Variants in DAPK1 observed in about 807,000 individuals in gnomAD.
DAPK1 encodes death associated protein kinase 1.
In DAPK1, 56 loss-of-function variants were observed where a neutral mutation model predicts 144.9. The ratio of observed to expected loss-of-function variants is 0.39; its 90% CI spans 0.31 to 0.48. DAPK1 has a LOEUF of 0.48. Among genes scored for constraint, DAPK1 ranks in the 20% least tolerant of loss-of-function variants. The pLI is 0.95. For missense variants in DAPK1, 1,454 were observed against 1,875.4 expected, an observed-to-expected ratio of 0.78 and a Z score of 4.15; for synonymous variants, 690 against 749.0, an observed-to-expected ratio of 0.92 and a Z score of 1.29.
intron 2 of DAPK1, among the ~76,000 whole-genome samples, chr9:87,531,138 A>G (rs1825683972): frequency 1.3e-5 from 2 of 152,168 alleles, no homozygotes; most frequent in African/African-American, 4.8e-5. Flanking sequence ...TAAGGATAAA[A>G]TGCTCTGATC....
Position 87,700,658 on chromosome 9 carries a change from CT to C in DAPK1, c.2871+422del, listed in dbSNP as rs563135857. On this transcript the variant is annotated intron_variant, in intron 24 of 25. Coordinates refer to ENST00000408954, the MANE Select transcript of DAPK1 (RefSeq NM_004938.4). The stretch of plus-strand genomic sequence containing the variant: ...GGACTATAGGCACGCACCACCATGT[CT>C]GGCTAATTTTTTTGATTTTTTGGTA... Among the ~76,000 whole-genome samples the C allele has an allele frequency of 4.7e-4, 72 of 152,128 alleles. 1 individual carries two copies. Among genetic ancestry groups the C allele is most frequent in the Middle Eastern group, 6.8e-3 (2 of 294 alleles).
At chr9:87,656,725 A>G (rs1239982757) in intron 17 of DAPK1, among the ~76,000 whole-genome samples, 1 of 152,158 alleles carries the variant, frequency 6.6e-6, no homozygotes, top group African/African-American at 2.4e-5. Context: ...CGAGAATGTG[A>G]TCCCTCCCGT....
intron 3 of DAPK1, chr9:87,632,753 A>C: frequency 1.0e-6 from 1 of 982,154 alleles, no homozygotes; most frequent in Non-Finnish European, 1.2e-6. Context: ...TGTAGGGAAG[A>C]AGGAGGATGA....
chr9:87,618,317 T>C (rs1343750280), intron 3 of DAPK1, among the ~76,000 whole-genome samples: 1 of 152,208 alleles, frequency 6.6e-6, no homozygotes, highest in Non-Finnish European at 1.5e-5. Flanking sequence ...ATTGTAATGC[T>C]CAAACAGTGC....
chr9:87,513,642 A>G (rs1824936274), intron 2 of DAPK1, among the ~76,000 whole-genome samples: 1 of 152,216 alleles, frequency 6.6e-6, no homozygotes. Context: ...GGCCTTGAAT[A>G]GTGTTTTAAA....
chr9:87,679,504 A>G (rs940941240), intron 19 of DAPK1, among the ~76,000 whole-genome samples: 2 of 152,150 alleles, frequency 1.3e-5, no homozygotes, highest in African/African-American at 4.8e-5. Context: ...GAGCCACATC[A>G]CGTAAACCTT....
intron 7 of DAPK1, 129 bp downstream of exon 7, chr9:87,639,944 C>A (rs1046315799): frequency 2.0e-6 from 2 of 979,854 alleles, no homozygotes; most frequent in Non-Finnish European, 3.1e-6. Context: ...ATTCATTTTA[C>A]ACCCCCAAAA....
At chr9:87,635,238 G>T (rs1427825282) in intron 3 of DAPK1, among the ~76,000 whole-genome samples, 1 of 152,096 alleles carries the variant, frequency 6.6e-6, no homozygotes, top group Non-Finnish European at 1.5e-5. Flanking sequence ...TTGCCAGAAG[G>T]CTGGACAGTG....
At position 87,681,385 on chromosome 9, in the gene DAPK1, C is replaced by G; in HGVS notation, c.2002-19C>G. The G allele has an allele frequency of 7.1e-7, 1 of 1,416,704 alleles. No individual in the cohort carries two copies. Among genetic ancestry groups the G allele is most frequent in the South Asian group, 1.2e-5 (1 of 85,870 alleles). The allele number at this position is 1,416,704 out of a possible 1,614,324, so 87.8% of individuals were successfully genotyped here. ...CCTCTTTTTCTGTCACTCACTGGCT[C>G]TTTCTCATCCATGCTCAGGATACGC... On this transcript the variant is annotated intron_variant, in intron 19 of 25. Coordinates refer to ENST00000408954, the MANE Select transcript of DAPK1 (RefSeq NM_004938.4).
At chr9:87,586,471 A>T (rs1827944887) in intron 2 of DAPK1, among the ~76,000 whole-genome samples, 1 of 151,862 alleles carries the variant, frequency 6.6e-6, no homozygotes, top group Non-Finnish European at 1.5e-5. Context: ...ATATATATGT[A>T]TATACTTATG....
At chr9:87,647,449 A>T (rs914747452) in intron 14 of DAPK1, 46 bp downstream of exon 14, 2 of 1,523,302 alleles carry the variant, frequency 1.3e-6, no homozygotes, top group Non-Finnish European at 1.8e-6. Context: ...TAGTAAATGG[A>T]TGCATGTGAG....
Position 87,707,979 on chromosome 9 carries a change from C to A in DAPK1, c.*615C>A. ...GGAAACGCTACCTCTCTGTCCCTTG[C>A]TGTATGCTGATCATCGCCAGAGGTG... On this transcript the variant is annotated 3_prime_UTR_variant, in exon 26 of 26. Transcript: ENST00000408954. This position sits in a 1 kb window ranked among gnomAD's most constrained non-coding sequence, Gnocchi z 4.0. 2.4e-6 allele frequency: 1 copy of A among 413,500 alleles called. No homozygotes were observed. The highest frequency in any genetic ancestry group is 1.8e-5 in the South Asian group (1 of 56,682). 25.6% of individuals were successfully genotyped at this position (413,500 alleles called of 1,614,324 possible).
chr9:87,526,793 C>T (rs748062900), intron 2 of DAPK1, among the ~76,000 whole-genome samples: 3 of 152,178 alleles, frequency 2.0e-5, no homozygotes, highest in Non-Finnish European at 4.4e-5. Context: ...GCTAACCATT[C>T]AGCCATCCTT....
intron 18 of DAPK1, among the ~76,000 whole-genome samples, chr9:87,660,518 G>A (rs1324896036): frequency 6.6e-6 from 1 of 152,156 alleles, no homozygotes; most frequent in African/African-American, 2.4e-5. Flanking sequence ...GGGTACAAGT[G>A]CAATTTTCTC....
At chr9:87,503,018 T>G (rs143250093) in intron 2 of DAPK1, among the ~76,000 whole-genome samples, 1 of 152,186 alleles carries the variant, frequency 6.6e-6, no homozygotes, top group Non-Finnish European at 1.5e-5. Context: ...ATGATGCTGA[T>G]GCTGATACTG....
intron 8 of DAPK1, 69 bp downstream of exon 8, chr9:87,640,519 A>G (rs1320348846): frequency 6.6e-6 from 10 of 1,521,084 alleles, no homozygotes; most frequent in African/African-American, 1.4e-5. Flanking sequence ...TGTCTGTTCC[A>G]TGCACAGGGC....
rs1824271935 is a variant in DAPK1 at position 87,498,573 on chromosome 9, A to ATTGC, written c.-108-395_-108-392dup. 4 of 258,280 alleles carry ATTGC rather than the reference A, an allele frequency of 1.5e-5. No individual in the cohort carries two copies. In the Admixed American group the frequency reaches 1.6e-4, roughly 10 times the overall value. 16.0% of individuals were successfully genotyped at this position (258,280 alleles called of 1,614,324 possible). On this transcript the variant is annotated intron_variant, in intron 1 of 25. Coordinates refer to ENST00000408954, the MANE Select transcript of DAPK1 (RefSeq NM_004938.4). ...CACCGTTGCCGCAGGCTGGAGAGAG[A>ATTGC]TTGCTCCCAGTGAGGCGCGTACCGT...
intron 23 of DAPK1, among the ~76,000 whole-genome samples, chr9:87,699,067 G>T (rs1334210817): frequency 6.6e-6 from 1 of 152,188 alleles, no homozygotes; most frequent in African/African-American, 2.4e-5. Flanking sequence ...TTCTAAATCT[G>T]AAATGCTCTA....
intron 3 of DAPK1, among the ~76,000 whole-genome samples, chr9:87,630,416 A>T (rs973597412): frequency 6.6e-6 from 1 of 152,216 alleles, no homozygotes; most frequent in Non-Finnish European, 1.5e-5. Context: ...CAGATAGGGT[A>T]GGTTGATGAC....
Sources: allele counts gnomAD v4.1 joint callset (sites outside exome capture counted in the v4.1 genomes callset), GRCh38; gene constraint gnomAD v4.1.1; non-coding constraint Gnocchi (gnomAD v3.1); transcripts MANE v1.5; gene names NCBI Gene and HGNC (gene_info 2026-07-23, HGNC 2026-07-21).